COL4A5: variants seen among roughly 807,000 people sequenced by gnomAD.
COL4A5 encodes collagen alpha-5(IV) chain.
A neutral mutation model predicts 130.2 loss-of-function variants in COL4A5; 26 were observed. The ratio of observed to expected loss-of-function variants is 0.20; its 90% confidence interval spans 0.15 to 0.28. The LOEUF (loss-of-function observed/expected upper bound fraction) is 0.28, where lower values mean the gene tolerates loss of function less well. Ranked by LOEUF, COL4A5 falls within the 10% of genes least tolerant of loss-of-function variation. COL4A5 has a pLI of 1.00. For missense variants in COL4A5, 1,131 were observed against 1,344.3 expected, an observed-to-expected ratio of 0.84 and a Z score of 2.48; for synonymous variants, 496 against 439.6, an observed-to-expected ratio of 1.13 and a Z score of -1.60.
intron 3 of COL4A5, among the ~76,000 whole-genome samples, chrX:108,563,019 C>T (rs1422811476): frequency 9.0e-6 from 1 of 110,856 alleles, no homozygotes; most frequent in African/African-American, 3.3e-5. Context: ...TGTAGACATC[C>T]TATTATCAAT....
At chrX:108,625,871 G>C in intron 35 of COL4A5, 77 bp downstream of exon 35, 1 of 753,239 alleles carries the variant, frequency 1.3e-6, no homozygotes, top group Non-Finnish European at 2.1e-6. Context: ...TGTCAGAAAA[G>C]AGGCTGGTGT....
chrX:108,654,732 C>T (rs2147934019), intron 36 of COL4A5, among the ~76,000 whole-genome samples: 1 of 112,912 alleles, frequency 8.9e-6, no homozygotes, highest in South Asian at 3.6e-4. Context: ...CAACACTCAG[C>T]CAGAAGTGGG....
chrX:108,670,239 T>G lies in COL4A5; in HGVS notation c.3799+3T>G. 1 of 1,210,961 alleles carries G rather than the reference T, an allele frequency of 8.3e-7. No individual in the cohort carries two copies. The highest frequency in any genetic ancestry group is 1.1e-6 in the Non-Finnish European group (1 of 894,833). ...TGATCCCTATCCAGGTCCTACAGGTTAGCTCCTTAACTCCAAAGTAGTAAC... is the reference window on the plus strand; with the variant it reads ...TGATCCCTATCCAGGTCCTACAGGTGAGCTCCTTAACTCCAAAGTAGTAAC... On this transcript the variant is annotated splice_donor_region_variant and intron_variant, in intron 42 of 52. Coordinates refer to ENST00000328300, the MANE Select transcript of COL4A5 (RefSeq NM_033380.3).
At chrX:108,479,938 A>G (rs930407297) in intron 1 of COL4A5, among the ~76,000 whole-genome samples, 4 of 111,497 alleles carry the variant, frequency 3.6e-5, no homozygotes, top group Admixed American at 9.5e-5. Context: ...CCAAAATCCT[A>G]GAGGCCTCTG....
intron 1 of COL4A5, among the ~76,000 whole-genome samples, chrX:108,527,162 A>G (rs2065335146): frequency 9.0e-6 from 1 of 111,375 alleles, no homozygotes; most frequent in African/African-American, 3.3e-5. Context: ...ACACTTAATT[A>G]CACTTAATGT....
chrX:108,620,393 C>A lies in COL4A5; in HGVS notation c.2644C>A (p.Leu882Ile). Residue 882 changes from leucine (L) to isoleucine (I), a missense_variant, in exon 31 of 53, where the codon CTT becomes ATT. Coordinates refer to ENST00000328300, the MANE Select transcript of COL4A5 (RefSeq NM_033380.3). ...GPIGPPGSPG[L>I]PGKAGASGFP... The stretch of plus-strand genomic sequence containing the variant: ...TATAGGACCTCCAGGATCACCAGGG[C>A]TTCCAGGAAAAGCAGGTGCCTCTGG... The A allele has an allele frequency of 8.3e-7, 1 of 1,209,950 alleles. No homozygotes were observed. The highest frequency in any genetic ancestry group is 1.1e-6 in the Non-Finnish European group (1 of 894,364).
chrX:108,608,548 C>T (rs373371843), intron 29 of COL4A5, among the ~76,000 whole-genome samples: 3 of 111,161 alleles, frequency 2.7e-5, no homozygotes, highest in African/African-American at 9.8e-5. Context: ...TCCATCCATT[C>T]ATCTATTTTT....
intron 37 of COL4A5, among the ~76,000 whole-genome samples, chrX:108,663,005 A>G (rs1297767256): frequency 8.9e-6 from 1 of 112,189 alleles, no homozygotes; most frequent in Non-Finnish European, 1.9e-5. Flanking sequence ...CCATAGTAAC[A>G]TTGCTAAGGA....
chrX:108,478,705 G>C (rs1009293743), intron 1 of COL4A5, among the ~76,000 whole-genome samples: 1 of 111,759 alleles, frequency 8.9e-6, no homozygotes, highest in East Asian at 2.8e-4. Flanking sequence ...TTAGTGCCTT[G>C]GTCAGGGGCA....
intron 37 of COL4A5, among the ~76,000 whole-genome samples, chrX:108,662,103 G>A (rs1420088303): frequency 1.3e-5 from 1 of 75,587 alleles, no homozygotes; most frequent in Admixed American, 2.0e-4. Context: ...TCCCCAGTGT[G>A]TGATGTTCCC....
intron 45 of COL4A5, 29 bp downstream of exon 45, chrX:108,680,780 T>A (rs1201390973): frequency 8.4e-7 from 1 of 1,194,026 alleles, no homozygotes. Flanking sequence ...GTGGTTTCCC[T>A]TTATATTAAA....
At chrX:108,476,740 C>T (rs2064837098) in intron 1 of COL4A5, among the ~76,000 whole-genome samples, 1 of 110,495 alleles carries the variant, frequency 9.1e-6, no homozygotes, top group South Asian at 3.8e-4. Flanking sequence ...GTTCCATCCA[C>T]CTTGTTGCAA....
chrX:108,616,136 T>A (rs776305603), intron 30 of COL4A5, among the ~76,000 whole-genome samples: 8 of 111,564 alleles, frequency 7.2e-5, no homozygotes, highest in Non-Finnish European at 1.5e-4. Context: ...CTTTATCACT[T>A]ATGGAAAAAA....
At chrX:108,500,074 C>A (rs1395425570) in intron 1 of COL4A5, among the ~76,000 whole-genome samples, 1 of 111,838 alleles carries the variant, frequency 8.9e-6, no homozygotes, top group Non-Finnish European at 1.9e-5. Flanking sequence ...TATTCCTATT[C>A]TTTTCAGACC....
At chrX:108,547,520 C>T (rs763607459) in intron 2 of COL4A5, among the ~76,000 whole-genome samples, 1 of 112,001 alleles carries the variant, frequency 8.9e-6, no homozygotes, top group Non-Finnish European at 1.9e-5. Context: ...TCTGCCCCTA[C>T]TGGGGGTTGC....
chrX:108,666,524 G>A lies in COL4A5; in HGVS notation c.3483G>A (p.Gly1161=). ...VGGGGHPGQP[G]PPGEKGKPGQ... ...GTGGAGGTCATCCTGGGCAACCAGG[G>A]CCTCCAGGCGAAAAAGGCAAACCCG... The change falls in exon 39 of 53, where the codon GGG becomes GGA. Residue 1161 remains glycine, a synonymous_variant. Coordinates refer to ENST00000328300, the MANE Select transcript of COL4A5 (RefSeq NM_033380.3). 8.3e-7 allele frequency: 1 copy of A among 1,207,836 alleles called. No homozygotes were observed. Among genetic ancestry groups the A allele is most frequent in the Non-Finnish European group, 1.1e-6 (1 of 893,445 alleles).
At chrX:108,560,574 C>T (rs2065885764) in intron 3 of COL4A5, among the ~76,000 whole-genome samples, 1 of 112,871 alleles carries the variant, frequency 8.9e-6, no homozygotes, top group Non-Finnish European at 1.9e-5. Flanking sequence ...GTAGGTAATG[C>T]CAGCTGGCAA....
At chrX:108,462,026 T>C (rs1179356192) in intron 1 of COL4A5, among the ~76,000 whole-genome samples, 6 of 112,448 alleles carry the variant, frequency 5.3e-5, no homozygotes, top group Non-Finnish European at 1.1e-4. Flanking sequence ...TTAATTATGC[T>C]CTTTTTGGGT....
intron 21 of COL4A5, among the ~76,000 whole-genome samples, chrX:108,594,787 T>C (rs1179320139): frequency 9.1e-6 from 1 of 110,250 alleles, no homozygotes; most frequent in Non-Finnish European, 1.9e-5. Flanking sequence ...TTCCCTGGCA[T>C]ACTCAATACC....
Sources: allele counts gnomAD v4.1 joint callset (sites outside exome capture counted in the v4.1 genomes callset), GRCh38; gene constraint gnomAD v4.1.1; transcripts MANE v1.5; gene names NCBI Gene and HGNC (gene_info 2026-07-23, HGNC 2026-07-21).